The following LOC728392 variants were observed in gnomAD, a reference collection of about 807,000 sequenced individuals.
the LOC728392 span, chr17:5,500,837 G>T: frequency 8.3e-7 from 1 of 1,211,200 alleles, no homozygotes; most frequent in South Asian, 1.4e-5. This position sits in a 1 kb window ranked among gnomAD's most constrained non-coding sequence, Gnocchi z 5.4. Context: ...ACGCCGACCT[G>T]GGCCCGCGGG....
the LOC728392 span, chr17:5,500,342 T>A: frequency 9.5e-7 from 1 of 1,047,282 alleles, no homozygotes; most frequent in Non-Finnish European, 1.2e-6. The surrounding 1 kb of genome is among the most constrained non-coding windows in gnomAD (Gnocchi z 5.4). Flanking sequence ...TAAACGGGGC[T>A]CAATCACACC....
chr17:5,499,918 A>G, the LOC728392 span: 1 of 985,658 alleles, frequency 1.0e-6, no homozygotes, highest in Non-Finnish European at 1.2e-6. Context: ...TCCGGGTACC[A>G]GTCTCGACTC....
At chr17:5,500,669 G>A in the LOC728392 span, 3 of 1,273,668 alleles carry the variant, frequency 2.4e-6, no homozygotes, top group Non-Finnish European at 3.1e-6. The surrounding 1 kb of genome is among the most constrained non-coding windows in gnomAD (Gnocchi z 5.4). Flanking sequence ...CGTAGATGAA[G>A]ATGGAGAGGT....
the LOC728392 span, chr17:5,500,195 C>T: frequency 1.0e-6 from 1 of 987,392 alleles, no homozygotes; most frequent in South Asian, 4.6e-5. The surrounding 1 kb of genome is among the most constrained non-coding windows in gnomAD (Gnocchi z 5.4). Context: ...CTCTAGAAGG[C>T]CGCGGGTCTG....
the LOC728392 span, chr17:5,500,737 G>T: frequency 4.0e-6 from 5 of 1,239,098 alleles, no homozygotes; most frequent in Non-Finnish European, 5.2e-6. The surrounding 1 kb of genome is among the most constrained non-coding windows in gnomAD (Gnocchi z 5.4). Flanking sequence ...TTCTTGGGCG[G>T]GGGGCGCGAT....
At chr17:5,501,000 G>A in the LOC728392 span, 2 of 1,188,368 alleles carry the variant, frequency 1.7e-6, no homozygotes. This position sits in a 1 kb window ranked among gnomAD's most constrained non-coding sequence, Gnocchi z 5.4. Flanking sequence ...CTGGGTCAGA[G>A]CGCAGTGGGC....
At chr17:5,500,821 C>T in the LOC728392 span, 2 of 1,177,060 alleles carry the variant, frequency 1.7e-6, no homozygotes, top group Non-Finnish European at 2.2e-6. This position sits in a 1 kb window ranked among gnomAD's most constrained non-coding sequence, Gnocchi z 5.4. Flanking sequence ...TTCTTGCCCG[C>T]GGCCGACGCC....
the LOC728392 span, chr17:5,500,976 T>C: frequency 7.3e-6 from 9 of 1,232,898 alleles, no homozygotes; most frequent in South Asian, 5.3e-5. This position sits in a 1 kb window ranked among gnomAD's most constrained non-coding sequence, Gnocchi z 5.4. Context: ...CGCGGGTAGG[T>C]GGGTCAGCCG....
chr17:5,500,501 G>T, the LOC728392 span: 8 of 1,166,570 alleles, frequency 6.9e-6, no homozygotes, highest in South Asian at 1.7e-5. The surrounding 1 kb of genome is among the most constrained non-coding windows in gnomAD (Gnocchi z 5.4). Context: ...CTACATGAAG[G>T]GGGTGCAGCG....
chr17:5,500,905 G>C, the LOC728392 span: 1 of 1,261,682 alleles, frequency 7.9e-7, no homozygotes, highest in South Asian at 1.3e-5. The surrounding 1 kb of genome is among the most constrained non-coding windows in gnomAD (Gnocchi z 5.4). Flanking sequence ...TCGGGGTCCG[G>C]GCGAATCTGC....
At chr17:5,499,957 C>T in the LOC728392 span, 1 of 986,006 alleles carries the variant, frequency 1.0e-6, no homozygotes, top group Non-Finnish European at 1.2e-6. Context: ...AAGTCTAAGG[C>T]AGGAAAAACA....
the LOC728392 span, chr17:5,500,977 G>T: frequency 3.2e-6 from 4 of 1,233,258 alleles, no homozygotes; most frequent in South Asian, 5.3e-5. This position sits in a 1 kb window ranked among gnomAD's most constrained non-coding sequence, Gnocchi z 5.4. Flanking sequence ...GCGGGTAGGT[G>T]GGTCAGCCGG....
the LOC728392 span, chr17:5,500,986 G>C: frequency 3.3e-6 from 4 of 1,223,244 alleles, no homozygotes; most frequent in Admixed American, 2.8e-5. The surrounding 1 kb of genome is among the most constrained non-coding windows in gnomAD (Gnocchi z 5.4). Flanking sequence ...TGGGTCAGCC[G>C]GGTCTGGGTC....
the LOC728392 span, chr17:5,500,134 AG>A: frequency 6.1e-6 from 6 of 986,664 alleles, no homozygotes; most frequent in Non-Finnish European, 7.2e-6. This position sits in a 1 kb window ranked among gnomAD's most constrained non-coding sequence, Gnocchi z 5.4. Context: ...GCAGCATCAC[AG>A]GGCTCCGGCC....
chr17:5,500,588 G>T, the LOC728392 span: 5 of 1,245,622 alleles, frequency 4.0e-6, no homozygotes, highest in Non-Finnish European at 5.2e-6. This position sits in a 1 kb window ranked among gnomAD's most constrained non-coding sequence, Gnocchi z 5.4. Flanking sequence ...CCCGTCCCGC[G>T]CTGGCCACTC....
At chr17:5,500,363 A>C in the LOC728392 span, 1 of 1,049,552 alleles carries the variant, frequency 9.5e-7, no homozygotes, top group South Asian at 2.8e-5. This position sits in a 1 kb window ranked among gnomAD's most constrained non-coding sequence, Gnocchi z 5.4. Flanking sequence ...CCAAAATTCT[A>C]AACGCCTCCA....
chr17:5,500,330 T>G, the LOC728392 span: 1 of 1,042,232 alleles, frequency 9.6e-7, no homozygotes, highest in Non-Finnish European at 1.2e-6. The surrounding 1 kb of genome is among the most constrained non-coding windows in gnomAD (Gnocchi z 5.4). Context: ...GCATTCTAAT[T>G]ATAAACGGGG....
chr17:5,501,006 T>A, the LOC728392 span: 1 of 1,158,440 alleles, frequency 8.6e-7, no homozygotes, highest in South Asian at 1.4e-5. Flanking sequence ...CAGAGCGCAG[T>A]GGGCGGTGGG....
the LOC728392 span, chr17:5,500,395 C>A: frequency 1.8e-6 from 2 of 1,091,574 alleles, no homozygotes; most frequent in Non-Finnish European, 2.2e-6. The surrounding 1 kb of genome is among the most constrained non-coding windows in gnomAD (Gnocchi z 5.4). Flanking sequence ...CAGGTGCAAA[C>A]AGCACCCCTA....
Sources: gnomAD v4.1 joint callset for allele counts on GRCh38, gnomAD v4.1.1 for gene constraint, Gnocchi (gnomAD v3.1) non-coding constraint, MANE v1.5 for transcripts.